Variants in MPPED2 observed in about 807,000 individuals in gnomAD.
MPPED2 encodes metallophosphoesterase domain containing 2, also known as metallophosphoesterase MPPED2.
MPPED2 carries 5 observed loss-of-function variants against 33.0 expected under a neutral mutation model. The observed-to-expected ratio is 0.15, with a 90% confidence interval of 0.08 to 0.32. The LOEUF (loss-of-function observed/expected upper bound fraction) is 0.32. Among genes scored for constraint, MPPED2 ranks in the 10% least tolerant of loss-of-function variants. MPPED2 has a pLI of 1.00. For missense variants in MPPED2, 275 were observed against 372.1 expected (o/e 0.74, Z 2.15); for synonymous variants, 136 against 141.9 (o/e 0.96, Z 0.29).
At chr11:30,430,635 G>C (rs192082819) in intron 4 of MPPED2, among the ~76,000 whole-genome samples, 1 of 152,262 alleles carries the variant, frequency 6.6e-6, no homozygotes, top group Admixed American at 6.5e-5. Context: ...AAAATGCTAT[G>C]CACAGAGTTG....
chr11:30,584,148 G>A lies in MPPED2; in HGVS notation c.-122+1894C>T, dbSNP rs961212449. The A allele has an allele frequency of 3.3e-5, 5 of 152,070 alleles. No individual in the cohort carries two copies. The East Asian group carries it at 9.7e-4, about 29-fold the overall frequency. The allele number at this position is 152,070 out of a possible 1,614,324, so 9.4% of individuals were successfully genotyped here. A position where few individuals can be genotyped will look rare whatever the true frequency, so the allele number is the denominator to read the frequency against. ...TACACCTGAACTTGTCTCCAGCACTGCGGACACCCGGGTGACACATTCTTT... is the reference window on the plus strand; with the variant it reads ...TACACCTGAACTTGTCTCCAGCACTACGGACACCCGGGTGACACATTCTTT... On this transcript the variant is annotated intron_variant, in intron 1 of 6. Coordinates refer to ENST00000358117, the MANE Select transcript of MPPED2 (RefSeq NM_001584.3).
intron 4 of MPPED2, among the ~76,000 whole-genome samples, chr11:30,453,835 G>T (rs1950166782): frequency 1.3e-5 from 2 of 152,200 alleles, no homozygotes. Flanking sequence ...CTCAGACTAA[G>T]TCTTTCTGAG....
chr11:30,410,902 A>G lies in MPPED2; in HGVS notation c.*566T>C. On this transcript the variant is annotated 3_prime_UTR_variant, in exon 7 of 7. Coordinates refer to ENST00000358117, the MANE Select transcript of MPPED2 (RefSeq NM_001584.3). Reference sequence around the variant, plus strand: ...TTAAACCATCCTTTAAATGACAGCCATTTTCTTCTCAATGCAGCTTTCTTT... The same window carrying G: ...TTAAACCATCCTTTAAATGACAGCCGTTTTCTTCTCAATGCAGCTTTCTTT... 2 of 985,770 alleles carry G rather than the reference A, an allele frequency of 2.0e-6. No homozygotes were observed. Among genetic ancestry groups the G allele is most frequent in the Non-Finnish European group, 2.4e-6 (2 of 829,928 alleles). 61.1% of individuals were successfully genotyped at this position (985,770 alleles called of 1,614,324 possible).
chr11:30,538,723 G>A (rs1288040309), intron 2 of MPPED2, among the ~76,000 whole-genome samples: 1 of 151,352 alleles, frequency 6.6e-6, no homozygotes, highest in Non-Finnish European at 1.5e-5. Context: ...AAGCAAAGAA[G>A]GCTCGCACAT....
At chr11:30,431,258 T>G (rs1025050476) in intron 4 of MPPED2, among the ~76,000 whole-genome samples, 1 of 152,140 alleles carries the variant, frequency 6.6e-6, no homozygotes, top group Non-Finnish European at 1.5e-5. Context: ...ACAGCGTGTG[T>G]GTATTCTCTG....
At chr11:30,530,511 A>T (rs1195409549) in intron 3 of MPPED2, among the ~76,000 whole-genome samples, 1 of 152,186 alleles carries the variant, frequency 6.6e-6, no homozygotes, top group Non-Finnish European at 1.5e-5. Flanking sequence ...GTGTTAAGGA[A>T]AGTAGCTTAC....
chr11:30,576,933 T>C (rs1333859903), intron 2 of MPPED2, among the ~76,000 whole-genome samples: 3 of 152,112 alleles, frequency 2.0e-5, no homozygotes, highest in Admixed American at 2.0e-4. Flanking sequence ...CAGTCATTCT[T>C]AGAGAGCTTG....
At chr11:30,393,754 T>C (rs1947807522) in intron 6 of MPPED2, among the ~76,000 whole-genome samples, 1 of 152,228 alleles carries the variant, frequency 6.6e-6, no homozygotes, top group South Asian at 2.1e-4. Flanking sequence ...GAATGGCTTC[T>C]TGCTGGGATC....
Position 30,580,340 on chromosome 11 carries a change from T to C in MPPED2, c.34A>G (p.Thr12Ala). Residue 12 changes from threonine to alanine, a missense_variant, in exon 2 of 7, where the codon ACC becomes GCC. Transcript: ENST00000358117. ...GAGCTGTACTCATCCACCGTTATGG[T>C]AACTTTGCCTTGAGAAGGAATCCCA... ...AHGIPSQGKV[T>A]ITVDEYSSNP... 2 of 1,614,116 alleles carry C rather than the reference T, an allele frequency of 1.2e-6. No homozygotes were observed. The highest frequency in any genetic ancestry group is 1.7e-6 in the Non-Finnish European group (2 of 1,180,006).
intron 1 of MPPED2, among the ~76,000 whole-genome samples, chr11:30,581,117 T>C (rs995870432): frequency 6.6e-6 from 1 of 152,138 alleles, no homozygotes; most frequent in Non-Finnish European, 1.5e-5. Flanking sequence ...GGCAAATCTT[T>C]CTTGTTAAAT....
At chr11:30,426,801 A>ATTT (rs1948858017) in intron 4 of MPPED2, among the ~76,000 whole-genome samples, 1 of 152,214 alleles carries the variant, frequency 6.6e-6, no homozygotes, top group Non-Finnish European at 1.5e-5. Context: ...AAATGCAGAC[A>ATTT]GGCCCTGAGG....
At chr11:30,530,887 TA>T (rs1954483976) in intron 3 of MPPED2, among the ~76,000 whole-genome samples, 1 of 152,196 alleles carries the variant, frequency 6.6e-6, no homozygotes, top group African/African-American at 2.4e-5. Context: ...ACACACATGG[TA>T]AGAGGCCTTG....
At chr11:30,563,018 C>T (rs1420845379) in intron 2 of MPPED2, among the ~76,000 whole-genome samples, 1 of 152,110 alleles carries the variant, frequency 6.6e-6, no homozygotes, top group East Asian at 1.9e-4. Context: ...ATTATTTATG[C>T]ATCAGGCACT....
chr11:30,477,313 T>G (rs1395902527), intron 4 of MPPED2, among the ~76,000 whole-genome samples: 2 of 152,104 alleles, frequency 1.3e-5, no homozygotes, highest in Non-Finnish European at 2.9e-5. Context: ...CTGATCTTAG[T>G]GTGAAAGCAT....
At chr11:30,547,679 C>T (rs1171269250) in intron 2 of MPPED2, among the ~76,000 whole-genome samples, 1 of 152,096 alleles carries the variant, frequency 6.6e-6, no homozygotes, top group Admixed American at 6.6e-5. Flanking sequence ...AATCGACTTC[C>T]CCTCCACTTT....
At chr11:30,519,500 C>T (rs1252141542) in intron 3 of MPPED2, among the ~76,000 whole-genome samples, 1 of 151,088 alleles carries the variant, frequency 6.6e-6, no homozygotes, top group South Asian at 2.1e-4. Flanking sequence ...CTGGAGCTAC[C>T]AGTAGGAATG....
intron 3 of MPPED2, among the ~76,000 whole-genome samples, chr11:30,534,298 C>A (rs1313533349): frequency 6.6e-6 from 1 of 152,116 alleles, no homozygotes; most frequent in African/African-American, 2.4e-5. Flanking sequence ...TCAAAACTCT[C>A]AAGATTTACC....
chr11:30,560,775 T>C lies in MPPED2; in HGVS notation c.128+19471A>G, dbSNP rs146240276. On this transcript the variant is annotated intron_variant, in intron 2 of 6. Transcript: ENST00000358117. ...GGCGATGCAAATGCAATCTTGCTGA[T>C]TACATTTAAAACAAAGGACTGAATC... 2.0e-5 allele frequency among the ~76,000 whole-genome samples: 3 copies of C among 152,336 alleles called. No homozygotes were observed. In the East Asian group the frequency reaches 5.8e-4, roughly 29 times the overall value.
intron 4 of MPPED2, among the ~76,000 whole-genome samples, chr11:30,472,573 AT>A (rs1950998206): frequency 6.6e-6 from 1 of 152,228 alleles, no homozygotes; most frequent in African/African-American, 2.4e-5. Context: ...ATGAAATATT[AT>A]TCAGCCTTAC....
Sources: gnomAD v4.1 joint callset for allele counts (sites outside exome capture counted in the v4.1 genomes callset) on GRCh38, gnomAD v4.1.1 for gene constraint, MANE v1.5 for transcripts, NCBI Gene and HGNC (gene_info 2026-07-23, HGNC 2026-07-21) for gene names.